UBE2E2: variants seen among roughly 807,000 people sequenced by gnomAD.
UBE2E2 encodes the protein ubiquitin-conjugating enzyme E2 E2.
In UBE2E2, 6 loss-of-function variants were observed where a neutral mutation model predicts 24.7. The ratio of observed to expected loss-of-function variants is 0.24; its 90% CI spans 0.13 to 0.48. UBE2E2 has a LOEUF of 0.48. Ranked by LOEUF, UBE2E2 falls within the 20% of genes least tolerant of loss-of-function variation. UBE2E2 has a pLI of 0.99. For synonymous variants in UBE2E2, 104 were observed against 83.6 expected, an observed-to-expected ratio of 1.24 and a Z score of -1.33; for missense variants, 169 against 245.0, an observed-to-expected ratio of 0.69 and a Z score of 2.07.
At chr3:23,354,943 G>C (rs557030972) in intron 3 of UBE2E2, among the ~76,000 whole-genome samples, 1 of 151,738 alleles carries the variant, frequency 6.6e-6, no homozygotes, top group Admixed American at 6.6e-5. Context: ...TGTTTATTGC[G>C]GCACTATTCA....
chr3:23,371,549 G>A (rs1696399384), intron 3 of UBE2E2, among the ~76,000 whole-genome samples: 1 of 152,036 alleles, frequency 6.6e-6, no homozygotes, highest in Non-Finnish European at 1.5e-5. Context: ...GTATTTAAGA[G>A]GTATATGAGG....
At chr3:23,337,170 C>A (rs1279665245) in intron 3 of UBE2E2, among the ~76,000 whole-genome samples, 2 of 151,200 alleles carry the variant, frequency 1.3e-5, no homozygotes, top group Non-Finnish European at 2.9e-5. Flanking sequence ...CAGCTGATTA[C>A]TACTTTATAG....
At chr3:23,506,886 G>T (rs1339834560) in intron 4 of UBE2E2, among the ~76,000 whole-genome samples, 1 of 152,176 alleles carries the variant, frequency 6.6e-6, no homozygotes, top group African/African-American at 2.4e-5. Flanking sequence ...GTCCGCCTCA[G>T]CGTTTCAGAA....
chr3:23,565,354 G>T (rs1266019721), intron 5 of UBE2E2, among the ~76,000 whole-genome samples: 2 of 150,494 alleles, frequency 1.3e-5, no homozygotes, highest in Non-Finnish European at 3.0e-5. Context: ...GTCTTTTAGA[G>T]AGAGGCCCAA....
intron 3 of UBE2E2, among the ~76,000 whole-genome samples, chr3:23,283,702 A>G (rs1010501829): frequency 2.0e-5 from 3 of 151,972 alleles, no homozygotes; most frequent in African/African-American, 7.2e-5. Context: ...GCAGTGAGCC[A>G]TGATCACAGC....
chr3:23,584,943 A>G (rs986597073), intron 5 of UBE2E2, among the ~76,000 whole-genome samples: 7 of 152,068 alleles, frequency 4.6e-5, no homozygotes, highest in Non-Finnish European at 7.4e-5. Flanking sequence ...CTTTGCTTCT[A>G]AATTGTGTAG....
At chr3:23,299,881 G>A (rs1295813831) in intron 3 of UBE2E2, among the ~76,000 whole-genome samples, 1 of 152,048 alleles carries the variant, frequency 6.6e-6, no homozygotes, top group Non-Finnish European at 1.5e-5. Flanking sequence ...GTTGACAGTG[G>A]GGTGTTAAAG....
At chr3:23,419,707 G>A (rs981509433) in intron 3 of UBE2E2, among the ~76,000 whole-genome samples, 6 of 152,064 alleles carry the variant, frequency 3.9e-5, no homozygotes, top group Non-Finnish European at 7.4e-5. Flanking sequence ...CAAAATTATG[G>A]CCTTTGTGTC....
intron 5 of UBE2E2, among the ~76,000 whole-genome samples, chr3:23,567,185 T>C (rs1696095477): frequency 6.6e-6 from 1 of 152,202 alleles, no homozygotes; most frequent in Non-Finnish European, 1.5e-5. Flanking sequence ...CACAATATGC[T>C]TCCCGTGATG....
chr3:23,438,917 T>C (rs1427553312), intron 3 of UBE2E2, among the ~76,000 whole-genome samples: 1 of 152,160 alleles, frequency 6.6e-6, no homozygotes, highest in African/African-American at 2.4e-5. Flanking sequence ...TCTGATAAGG[T>C]TTGTGGCTTC....
At chr3:23,556,149 T>A (rs1695776725) in intron 5 of UBE2E2, among the ~76,000 whole-genome samples, 1 of 143,238 alleles carries the variant, frequency 7.0e-6, no homozygotes, top group Non-Finnish European at 1.5e-5. Flanking sequence ...ACTTTTTTTT[T>A]TTTTTTTTTT....
intron 3 of UBE2E2, among the ~76,000 whole-genome samples, chr3:23,309,951 G>A (rs1281091128): frequency 2.0e-5 from 3 of 152,190 alleles, no homozygotes; most frequent in Non-Finnish European, 4.4e-5. Context: ...AAGGAAAGGA[G>A]AAGGGGGAGT....
intron 3 of UBE2E2, among the ~76,000 whole-genome samples, chr3:23,400,960 G>C (rs545095583): frequency 6.6e-6 from 1 of 152,242 alleles, no homozygotes; most frequent in East Asian, 1.9e-4. Context: ...AAATAAATAA[G>C]AAAATAATCA....
At position 23,591,252 on chromosome 3, in the gene UBE2E2, C is replaced by T. The variant is rs1254418788; in HGVS notation, c.*1421C>T. On this transcript the variant is annotated 3_prime_UTR_variant, in exon 6 of 6. Coordinates refer to ENST00000396703, the MANE Select transcript of UBE2E2 (RefSeq NM_152653.4). The stretch of plus-strand genomic sequence containing the variant: ...CTGCTGCACCATACAGTTACAGACC[C>T]TACCATACTCTTGGTCTCATTTAAG... The T allele has an allele frequency of 6.6e-6, 1 of 152,176 alleles. No individual in the cohort carries two copies. The highest frequency in any genetic ancestry group is 1.5e-5 in the Non-Finnish European group (1 of 68,036). The allele number at this position is 152,176 out of a possible 1,614,324, so 9.4% of individuals were successfully genotyped here.
chr3:23,301,257 A>T (rs1699078922), intron 3 of UBE2E2, among the ~76,000 whole-genome samples: 1 of 151,878 alleles, frequency 6.6e-6, no homozygotes, highest in African/African-American at 2.4e-5. Context: ...GAGTAGTTTG[A>T]TTGTCTGAAG....
rs540764124 is a variant in UBE2E2 at position 23,576,410 on chromosome 3, T to C, written c.509-13324T>C. On this transcript the variant is annotated intron_variant, in intron 5 of 5. Transcript: ENST00000396703. ...CAGGCCACAAATTCCAATAACAAAA[T>C]AATTATGTTTAAAAAAACATAATTT... Among the ~76,000 whole-genome samples the C allele has an allele frequency of 2.0e-5, 3 of 152,084 alleles. No homozygotes were observed. The East Asian group carries it at 5.8e-4, about 29-fold the overall frequency.
At chr3:23,479,626 A>G (rs905970045) in intron 3 of UBE2E2, among the ~76,000 whole-genome samples, 2 of 152,186 alleles carry the variant, frequency 1.3e-5, no homozygotes, top group African/African-American at 2.4e-5. Flanking sequence ...TTCCACATCC[A>G]GGAAGAATGA....
chr3:23,443,682 G>A (rs1388456491), intron 3 of UBE2E2, among the ~76,000 whole-genome samples: 1 of 152,318 alleles, frequency 6.6e-6, no homozygotes, highest in African/African-American at 2.4e-5. Flanking sequence ...GTACCTATGT[G>A]AAATTGGTGC....
intron 3 of UBE2E2, among the ~76,000 whole-genome samples, chr3:23,217,756 G>A (rs993417461): frequency 2.6e-5 from 4 of 151,870 alleles, no homozygotes; most frequent in African/African-American, 9.7e-5. Context: ...ATTTCTTGTC[G>A]TCATTGGTTG....
Sources: gnomAD v4.1 joint callset for allele counts (sites outside exome capture counted in the v4.1 genomes callset) on GRCh38, gnomAD v4.1.1 for gene constraint, MANE v1.5 for transcripts, NCBI Gene and HGNC (gene_info 2026-07-23, HGNC 2026-07-21) for gene names.